Variants in MBNL3 observed in about 807,000 individuals in gnomAD.
MBNL3 encodes the protein muscleblind-like protein 3.
A neutral mutation model predicts 24.5 loss-of-function variants in MBNL3; 6 were observed. The ratio of observed to expected loss-of-function variants is 0.25; its 90% CI spans 0.13 to 0.48. The LOEUF is 0.48. Among genes scored for constraint, MBNL3 ranks in the 20% least tolerant of loss-of-function variants. The probability of loss-of-function intolerance (pLI) is 0.99; values close to 1 mark genes in which losing one functional copy is unlikely to be tolerated. For synonymous variants in MBNL3, 100 were observed against 101.7 expected, an observed-to-expected ratio of 0.98 and a Z score of 0.10; for missense variants, 230 against 293.5, an observed-to-expected ratio of 0.78 and a Z score of 1.58.
chrX:132,400,655 C>A (rs769365037), intron 3 of MBNL3, among the ~76,000 whole-genome samples: 1 of 111,849 alleles, frequency 8.9e-6, no homozygotes, highest in African/African-American at 3.2e-5. Context: ...ATCCCTAAAC[C>A]CCTCATGTTA....
intron 1 of MBNL3, among the ~76,000 whole-genome samples, chrX:132,478,786 G>C (rs1371671757): frequency 1.8e-5 from 2 of 112,119 alleles, no homozygotes; most frequent in Non-Finnish European, 3.8e-5. Context: ...TACAATGATA[G>C]AATAAATAGG....
intron 4 of MBNL3, 42 bp from the exon 5 acceptor site, chrX:132,391,125 G>T (rs755127487): frequency 9.8e-7 from 1 of 1,019,757 alleles, no homozygotes; most frequent in South Asian, 1.9e-5. Context: ...TCACACTGAT[G>T]ACTGGAAGCT....
At chrX:132,388,238 T>TAGCTTTA (rs1188479790) in intron 5 of MBNL3, among the ~76,000 whole-genome samples, 1 of 111,544 alleles carries the variant, frequency 9.0e-6, no homozygotes, top group Admixed American at 9.5e-5. Flanking sequence ...GCTAGAAGAG[T>TAGCTTTA]GAGATAAAAT....
At position 132,392,143 on chromosome X, in the gene MBNL3, C is replaced by T; in HGVS notation, c.534G>A (p.Glu178=). ...TATTTATATATATGTTCACAAATAC[C>T]TCCAGTTTATCTGAACGCATCAGTT... ...GPKLMRSDKL[E]VCREFQRGNC... is the part of the protein sequence containing the mutation. Residue 178 remains glutamate, a splice_region_variant and synonymous_variant, in exon 4 of 9, where the codon GAG becomes GAA. Coordinates refer to ENST00000370853, the MANE Select transcript of MBNL3 (RefSeq NM_001386889.1). The T allele has an allele frequency of 8.4e-7, 1 of 1,192,512 alleles. No homozygotes were observed.
intron 2 of MBNL3, among the ~76,000 whole-genome samples, chrX:132,410,621 G>A (rs1029065038): frequency 1.8e-5 from 2 of 112,645 alleles, no homozygotes; most frequent in Admixed American, 9.4e-5. Context: ...CCCAAGAGAT[G>A]ATTTGTTCTA....
At chrX:132,411,198 T>G in intron 2 of MBNL3, 2 of 754,448 alleles carry the variant, frequency 2.7e-6, no homozygotes, top group Non-Finnish European at 3.1e-6. Context: ...ACCTTCTTCA[T>G]GCTGTCCCAA....
chrX:132,373,697 T>C lies in MBNL3; in HGVS notation c.*5969A>G, dbSNP rs749022986. Reference sequence around the variant, plus strand: ...TAACCTTGACCTCTTCTAGGCCTCATTGCCTGGGGGCAAAAAGAAAGTTAA... The same window carrying C: ...TAACCTTGACCTCTTCTAGGCCTCACTGCCTGGGGGCAAAAAGAAAGTTAA... On this transcript the variant is annotated 3_prime_UTR_variant, in exon 9 of 9. Transcript: ENST00000370853. The C allele has an allele frequency of 6.3e-5, 7 of 111,934 alleles. No individual in the cohort carries two copies. Among genetic ancestry groups the C allele is most frequent in the African/African-American group, 9.7e-5 (3 of 30,830 alleles). The allele number at this position is 111,934 out of a possible 1,213,427, so 9.2% of individuals were successfully genotyped here. A position where few individuals can be genotyped will look rare whatever the true frequency, so the allele number is the denominator to read the frequency against.
chrX:132,474,516 C>G (rs1279778874), intron 1 of MBNL3, among the ~76,000 whole-genome samples: 3 of 111,109 alleles, frequency 2.7e-5, no homozygotes, highest in Non-Finnish European at 3.8e-5. Flanking sequence ...AATCCTCCAC[C>G]TTAAAGGCAA....
chrX:132,449,632 G>A (rs1430864222), intron 1 of MBNL3, among the ~76,000 whole-genome samples: 1 of 108,917 alleles, frequency 9.2e-6, no homozygotes, highest in Non-Finnish European at 1.9e-5. Flanking sequence ...CTTTTGTTTA[G>A]GGCATTTAGC....
chrX:132,435,921 A>G (rs1945092582), intron 2 of MBNL3, among the ~76,000 whole-genome samples: 1 of 111,900 alleles, frequency 8.9e-6, no homozygotes, highest in Non-Finnish European at 1.9e-5. Context: ...AGTGACTGAT[A>G]ACACATTGCT....
In MBNL3 at chrX:132,369,675, G is replaced by A. The variant is rs1262480157; in HGVS notation, c.*9991C>T. On this transcript the variant is annotated 3_prime_UTR_variant, in exon 9 of 9. Coordinates refer to ENST00000370853, the MANE Select transcript of MBNL3 (RefSeq NM_001386889.1). Reference sequence around the variant, plus strand: ...ATGAACAGGCTGTTTGCTTTAGCAGGTGCTGTTGCTGGTATTCATCCAGTT... The same window carrying A: ...ATGAACAGGCTGTTTGCTTTAGCAGATGCTGTTGCTGGTATTCATCCAGTT... 1.8e-5 allele frequency: 2 copies of A among 111,973 alleles called. No homozygotes were observed. The highest frequency in any genetic ancestry group is 6.5e-5 in the African/African-American group (2 of 30,765). 9.2% of individuals were successfully genotyped at this position (111,973 alleles called of 1,213,427 possible). A position where few individuals can be genotyped will look rare whatever the true frequency, so the allele number is the denominator to read the frequency against.
intron 3 of MBNL3, among the ~76,000 whole-genome samples, chrX:132,405,044 G>T: frequency 9.0e-6 from 1 of 111,366 alleles, no homozygotes. Context: ...AGGTGTAAAA[G>T]CAAAATGAAA....
chrX:132,418,729 A>C lies in MBNL3; in HGVS notation c.178-12337T>G, dbSNP rs143126408. Among the ~76,000 whole-genome samples, 698 of 112,447 alleles carry C rather than the reference A, an allele frequency of 6.2e-3. 21 individuals are homozygous for C. In the East Asian group the frequency reaches 0.11, roughly 17 times the overall value. On this transcript the variant is annotated intron_variant, in intron 2 of 8. Coordinates refer to ENST00000370853, the MANE Select transcript of MBNL3 (RefSeq NM_001386889.1). ...AGAATGAATAAGACAAGGCAATTGA[A>C]TGTGTCAAGGCAATTGAATGTGTTT... is the stretch of plus-strand genomic sequence containing the variant.
chrX:132,423,881 C>T, intron 2 of MBNL3, among the ~76,000 whole-genome samples: 1 of 111,630 alleles, frequency 9.0e-6, no homozygotes, highest in Non-Finnish European at 1.9e-5. Context: ...TTATAAGCTG[C>T]AAATAATAAA....
At position 132,379,548 on chromosome X, in the gene MBNL3, T is replaced by TA; in HGVS notation, c.*117dup. The TA allele has an allele frequency of 1.3e-6, 1 of 768,552 alleles. No homozygotes were observed. The highest frequency in any genetic ancestry group is 1.8e-6 in the Non-Finnish European group (1 of 543,513). 63.3% of individuals were successfully genotyped at this position (768,552 alleles called of 1,213,427 possible). On this transcript the variant is annotated 3_prime_UTR_variant, in exon 9 of 9. Coordinates refer to ENST00000370853, the MANE Select transcript of MBNL3 (RefSeq NM_001386889.1). ...TGGCTGGCAGGTTTGCTTTGCTTAA[T>TA]ACATTGACTGCAACACGCTTATTGT...
chrX:132,400,035 G>A (rs1044260740), intron 3 of MBNL3, among the ~76,000 whole-genome samples: 6 of 110,418 alleles, frequency 5.4e-5, no homozygotes, highest in Admixed American at 4.9e-4. Context: ...TTTATCTCAC[G>A]GGAATATATA....
At chrX:132,458,575 C>T (rs1936893478) in intron 1 of MBNL3, among the ~76,000 whole-genome samples, 1 of 111,034 alleles carries the variant, frequency 9.0e-6, no homozygotes. Flanking sequence ...GAAAGGGGGA[C>T]AAAGTGGTTG....
chrX:132,402,559 T>C (rs1373359320), intron 3 of MBNL3, among the ~76,000 whole-genome samples: 1 of 111,941 alleles, frequency 8.9e-6, no homozygotes, highest in Non-Finnish European at 1.9e-5. Flanking sequence ...ACTTTTTTGC[T>C]GGGAACATCA....
At chrX:132,415,342 A>T in intron 2 of MBNL3, among the ~76,000 whole-genome samples, 1 of 112,464 alleles carries the variant, frequency 8.9e-6, no homozygotes, top group South Asian at 3.7e-4. Context: ...GAAGAATTTA[A>T]TTTGCAAAAA....
Sources: allele counts gnomAD v4.1 joint callset (sites outside exome capture counted in the v4.1 genomes callset), GRCh38; gene constraint gnomAD v4.1.1; transcripts MANE v1.5; gene names NCBI Gene and HGNC (gene_info 2026-07-23, HGNC 2026-07-21).